Variants in LRP2 observed in about 807,000 individuals in gnomAD.
The protein encoded by LRP2 is low-density lipoprotein receptor-related protein 2.
In LRP2, 172 loss-of-function variants were observed where a neutral mutation model predicts 531.0. That is an observed-to-expected ratio of 0.32 (90% CI 0.29 to 0.37). The LOEUF is 0.37. Among genes scored for constraint, LRP2 ranks in the 10% least tolerant of loss-of-function variants. The probability of loss-of-function intolerance (pLI) is 1.00; values close to 1 mark genes in which losing one functional copy is unlikely to be tolerated. For missense variants in LRP2, 5,167 were observed against 5,868.3 expected (o/e 0.88, Z 3.90); for synonymous variants, 1,992 against 2,027.6 (o/e 0.98, Z 0.47).
chr2:169,268,171 C>G (rs922217397), intron 16 of LRP2, among the ~76,000 whole-genome samples: 1 of 152,126 alleles, frequency 6.6e-6, no homozygotes, highest in African/African-American at 2.4e-5. Flanking sequence ...CGAATTCTAC[C>G]AGAGGTACAA....
chr2:169,132,663 C>T lies in LRP2; in HGVS notation c.13639G>A (p.Val4547Met), dbSNP rs1003380232. The T allele has an allele frequency of 1.3e-6, 2 of 1,591,508 alleles. No individual in the cohort carries two copies. Among genetic ancestry groups the T allele is most frequent in the African/African-American group, 1.3e-5 (1 of 74,438 alleles). Residue 4547 changes from valine to methionine, a missense_variant, in exon 77 of 79, where the codon GTG becomes ATG. This residue lies in a region of LRP2 where 348 missense variants were observed against 369.3 expected (regional missense o/e 0.94). Transcript: ENST00000649046. ...GGACTTCCATAATTCTTATTATCCA[C>T]ATTTTCAGATACAGTCACCTGTGGA... The part of the protein sequence containing the change: ...QPIQVTVSEN[V>M]DNKNYGSPIN...
chr2:169,265,312 C>A (rs1379686245), intron 16 of LRP2, among the ~76,000 whole-genome samples: 2 of 151,996 alleles, frequency 1.3e-5, no homozygotes, highest in Admixed American at 1.3e-4. Context: ...ATCTGGCAAC[C>A]AAGCCACCTT....
At chr2:169,157,143 C>G (rs554993199) in intron 64 of LRP2, among the ~76,000 whole-genome samples, 5 of 152,152 alleles carry the variant, frequency 3.3e-5, no homozygotes, top group South Asian at 4.1e-4. Context: ...TCCACAGACT[C>G]TACTGAGCAC....
At chr2:169,327,727 C>T (rs1364851459) in intron 1 of LRP2, among the ~76,000 whole-genome samples, 2 of 119,418 alleles carry the variant, frequency 1.7e-5, no homozygotes, top group Admixed American at 7.8e-5. Context: ...GCACCCCGCC[C>T]GGCCAGCCGC....
chr2:169,205,412 C>T lies in LRP2; in HGVS notation c.7715+67G>A. On this transcript the variant is annotated intron_variant, in intron 41 of 78. Transcript: ENST00000649046. ...TATATTTTCATCACATGATGCAAATCCCTCTTCTTTGGAAATGGAAGAAAA... is the reference window on the plus strand; with the variant it reads ...TATATTTTCATCACATGATGCAAATTCCTCTTCTTTGGAAATGGAAGAAAA... The T allele has an allele frequency of 5.8e-6, 9 of 1,542,598 alleles. No homozygotes were observed. In the Middle Eastern group the frequency reaches 8.4e-4, roughly 145 times the overall value.
chr2:169,287,636 C>T (rs1025013890), intron 9 of LRP2, among the ~76,000 whole-genome samples: 10 of 127,440 alleles, frequency 7.8e-5, no homozygotes, highest in African/African-American at 1.3e-4. Flanking sequence ...CTAGCACTTC[C>T]GCTGAAGAAT....
rs908269 is a variant in LRP2 at position 169,295,020 on chromosome 2, G to A, written c.428-310C>T. On this transcript the variant is annotated intron_variant, in intron 4 of 78. Coordinates refer to ENST00000649046, the MANE Select transcript of LRP2 (RefSeq NM_004525.3). Reference sequence around the variant, plus strand: ...CCAGAAAAGTATCCCCTGAAGAAGTGACTTTTGAGCCAAAAGATGAAGAAT... The same window carrying A: ...CCAGAAAAGTATCCCCTGAAGAAGTAACTTTTGAGCCAAAAGATGAAGAAT... Among the ~76,000 whole-genome samples, 1,025 of 152,242 alleles carry A rather than the reference G, an allele frequency of 6.7e-3. 11 individuals are homozygous for A. Among genetic ancestry groups the A allele is most frequent in the Middle Eastern group, 0.017 (5 of 294 alleles).
chr2:169,357,538 G>A (rs149922436), intron 1 of LRP2, among the ~76,000 whole-genome samples: 1,852 of 151,718 alleles, frequency 0.012, 36 homozygotes, highest in African/African-American at 0.042. Flanking sequence ...CACCATGTTG[G>A]CCAGGCAGGT....
At chr2:169,333,105 C>T (rs1685308419) in intron 1 of LRP2, among the ~76,000 whole-genome samples, 1 of 152,110 alleles carries the variant, frequency 6.6e-6, no homozygotes, top group Non-Finnish European at 1.5e-5. Flanking sequence ...GATAATTAAT[C>T]ATCTAGTAAA....
rs1359861238 is a variant in LRP2 at position 169,259,019 on chromosome 2, A to G, written c.2513+6T>C. The G allele has an allele frequency of 6.2e-7, 1 of 1,613,022 alleles. No individual in the cohort carries two copies. On this transcript the variant is annotated splice_donor_region_variant and intron_variant, in intron 17 of 78. Coordinates refer to ENST00000649046, the MANE Select transcript of LRP2 (RefSeq NM_004525.3). ...CAAGCTCTTAGGAAAACATGAACAC[A>G]CTTACCCGGCAAAAGGATGAACTAC...
At chr2:169,181,708 G>A in intron 51 of LRP2, 90 bp from the exon 52 acceptor site, 1 of 1,052,808 alleles carries the variant, frequency 9.5e-7, no homozygotes, top group Non-Finnish European at 1.4e-6. Flanking sequence ...GAGAAATGGA[G>A]TCTGCATTCT....
chr2:169,257,797 T>C (rs1386462347), intron 17 of LRP2, among the ~76,000 whole-genome samples: 1 of 87,858 alleles, frequency 1.1e-5, no homozygotes, highest in African/African-American at 4.4e-5. Flanking sequence ...GGGAAAAAGA[T>C]AAGTCTAGAG....
intron 41 of LRP2, 31 bp downstream of exon 41, chr2:169,205,448 A>C (rs773922897): frequency 6.2e-7 from 1 of 1,613,366 alleles, no homozygotes; most frequent in East Asian, 2.2e-5. Context: ...ACCTCTTCTT[A>C]ACACCCACAT....
chr2:169,277,981 T>A, intron 12 of LRP2, 30 bp from the exon 13 acceptor site: 1 of 1,552,542 alleles, frequency 6.4e-7, no homozygotes, highest in Non-Finnish European at 8.9e-7. Context: ...GATGAAAGAA[T>A]CTGGTATTTT....
rs201331332 is a variant in LRP2 at position 169,185,787 on chromosome 2, A to G, written c.9561T>C (p.Asp3187=). The G allele has an allele frequency of 8.7e-6, 14 of 1,613,174 alleles. No individual in the cohort carries two copies. The East Asian group carries it at 2.7e-4, about 31-fold the overall frequency. The change falls in exon 50 of 79, where the codon GAT becomes GAC. Residue 3187 remains aspartate (D), a synonymous_variant. Coordinates refer to ENST00000649046, the MANE Select transcript of LRP2 (RefSeq NM_004525.3). ...TACTGTTTTGCCGGCAGGTCTTTCC[A>G]TCTGGTTCTCGGAGGTAGCCTGGGG... ...KCAPGYLREP[D]GKTCRQNSNI...
At chr2:169,246,077 C>A (rs753398175) in intron 21 of LRP2, among the ~76,000 whole-genome samples, 21 of 151,896 alleles carry the variant, frequency 1.4e-4, no homozygotes, top group Non-Finnish European at 2.2e-4. Context: ...TGCCTGTAGT[C>A]CTAGCTACTT....
At chr2:169,194,783 C>T (rs1448509353) in intron 46 of LRP2, among the ~76,000 whole-genome samples, 6 of 134,700 alleles carry the variant, frequency 4.5e-5, no homozygotes, top group Admixed American at 8.2e-5. Flanking sequence ...TGCAGTGGTG[C>T]GATCTCGGCT....
intron 62 of LRP2, 132 bp from the exon 63 acceptor site, chr2:169,162,732 C>A: frequency 1.1e-6 from 1 of 950,214 alleles, no homozygotes; most frequent in Non-Finnish European, 1.6e-6. Flanking sequence ...TCCCTTGCAG[C>A]TGGGTTAGGA....
In LRP2 at chr2:169,294,586, T is replaced by G. The variant is rs1020033685; in HGVS notation, c.538+14A>C. On this transcript the variant is annotated intron_variant, in intron 5 of 78. Transcript: ENST00000649046. ...CTTCAGCACACAACTGCACATCTTG[T>G]GCACAATACTTACTGCAGTTGATTT... 1 of 1,575,256 alleles carries G rather than the reference T, an allele frequency of 6.3e-7. No homozygotes were observed. The highest frequency in any genetic ancestry group is 1.3e-5 in the African/African-American group (1 of 74,152).
Sources: gnomAD v4.1 joint callset for allele counts (sites outside exome capture counted in the v4.1 genomes callset) on GRCh38, gnomAD v4.1.1 for gene constraint, gnomAD v4.1.1 regional missense constraint, MANE v1.5 for transcripts, NCBI Gene and HGNC (gene_info 2026-07-23, HGNC 2026-07-21) for gene names.